The following ADAMTSL1 variants were observed in gnomAD, a reference collection of about 807,000 sequenced individuals.
The protein encoded by ADAMTSL1 is ADAMTS-like protein 1.
A neutral mutation model predicts 201.8 loss-of-function variants in ADAMTSL1; 126 were observed. That is an observed-to-expected ratio of 0.62 (90% confidence interval 0.54 to 0.72). The LOEUF is 0.72. Ranked by LOEUF, ADAMTSL1 falls within the 30% of genes least tolerant of loss-of-function variation. The pLI is 0.00. For synonymous variants in ADAMTSL1, 1,121 were observed against 903.4 expected (o/e 1.24, Z -4.32); for missense variants, 2,679 against 2,277.8 (o/e 1.18, Z -3.59).
intron 1 of ADAMTSL1, among the ~76,000 whole-genome samples, chr9:18,014,915 A>G (rs1820196468): frequency 6.6e-6 from 1 of 152,068 alleles, no homozygotes; most frequent in Admixed American, 6.6e-5. Context: ...TGTAATGAAT[A>G]AAGGCCAAGT....
intron 1 of ADAMTSL1, among the ~76,000 whole-genome samples, chr9:18,085,780 TACACACACACACACATGC>T (rs1177340598): frequency 6.7e-6 from 1 of 149,858 alleles, no homozygotes; most frequent in Non-Finnish European, 1.5e-5. Flanking sequence ...TATATATATA[TACACACACACACACATGC>T]ACACACAGTA....
In ADAMTSL1 at chr9:18,817,876, G is replaced by A. The variant is rs1358863909; in HGVS notation, c.3934+639G>A. Among the ~76,000 whole-genome samples the A allele has an allele frequency of 2.6e-5, 4 of 152,162 alleles. No homozygotes were observed. In the South Asian group the frequency reaches 8.3e-4, roughly 32 times the overall value. On this transcript the variant is annotated intron_variant, in intron 21 of 28. Transcript: ENST00000380548. ...ACCAACAGCAGCGTGGAGCTTGCTC[G>A]AATCAGAAGTGGGCAGGAGTTATTA...
intron 20 of ADAMTSL1, among the ~76,000 whole-genome samples, chr9:18,803,520 T>A (rs1822926987): frequency 6.6e-6 from 1 of 152,232 alleles, no homozygotes; most frequent in Admixed American, 6.5e-5. Context: ...TTCCAGGGAT[T>A]ATGACATAAA....
At chr9:18,405,495 G>A (rs1336633759) in intron 2 of ADAMTSL1, among the ~76,000 whole-genome samples, 1 of 152,078 alleles carries the variant, frequency 6.6e-6, no homozygotes, top group African/African-American at 2.4e-5. Flanking sequence ...TTGGCATTGG[G>A]CCACCCTGGA....
At chr9:17,943,336 A>T (rs1269687706) in intron 1 of ADAMTSL1, among the ~76,000 whole-genome samples, 2 of 152,100 alleles carry the variant, frequency 1.3e-5, no homozygotes, top group Admixed American at 1.3e-4. Flanking sequence ...GCTGAGCTTG[A>T]CCTGGATTCC....
chr9:18,163,945 G>C (rs568859768), exon 2 of ADAMTSL1: 14 of 152,136 alleles, frequency 9.2e-5, no homozygotes, highest in African/African-American at 3.4e-4. Flanking sequence ...AAGATTTCCT[G>C]TCTGACCTCT....
intron 1 of ADAMTSL1, among the ~76,000 whole-genome samples, chr9:18,044,800 T>G (rs1041099919): frequency 1.3e-5 from 2 of 152,164 alleles, no homozygotes; most frequent in African/African-American, 4.8e-5. Context: ...ATCAGCAGAG[T>G]CACACCTAGA....
intron 26 of ADAMTSL1, 46 bp downstream of exon 26, chr9:18,892,642 A>G (rs1829356798): frequency 6.5e-7 from 1 of 1,534,620 alleles, no homozygotes; most frequent in African/African-American, 1.4e-5. Flanking sequence ...ATCTAAAGGA[A>G]TGGACCCTGC....
chr9:18,394,166 A>AT (rs201455776), intron 2 of ADAMTSL1, among the ~76,000 whole-genome samples: 103 of 143,416 alleles, frequency 7.2e-4, no homozygotes, highest in South Asian at 1.2e-3. Context: ...TAGAACAAGG[A>AT]TTTTTTTTTA....
chr9:18,110,297 G>T (rs752211219), intron 1 of ADAMTSL1, among the ~76,000 whole-genome samples: 3 of 152,144 alleles, frequency 2.0e-5, no homozygotes, highest in Non-Finnish European at 4.4e-5. Flanking sequence ...TGATCATTCA[G>T]TCCTCTTCAA....
chr9:18,399,525 T>G (rs1206666459), intron 2 of ADAMTSL1, among the ~76,000 whole-genome samples: 7 of 146,040 alleles, frequency 4.8e-5, no homozygotes, highest in Admixed American at 4.1e-4. Context: ...TATTTTTTTG[T>G]AGAGACAGGG....
At chr9:18,223,022 A>C (rs1267277653) in intron 2 of ADAMTSL1, among the ~76,000 whole-genome samples, 2 of 151,962 alleles carry the variant, frequency 1.3e-5, no homozygotes, top group Non-Finnish European at 2.9e-5. Flanking sequence ...TGAAGTATCT[A>C]GGTATAGATT....
At chr9:18,427,815 C>T (rs1279917517) in intron 2 of ADAMTSL1, among the ~76,000 whole-genome samples, 1 of 152,230 alleles carries the variant, frequency 6.6e-6, no homozygotes, top group East Asian at 1.9e-4. Flanking sequence ...GAGGCGGAGC[C>T]TGCTCTGCCA....
In ADAMTSL1 at chr9:18,533,307, C is replaced by G; in HGVS notation, c.237+15C>G. On this transcript the variant is annotated intron_variant, in intron 3 of 28. Coordinates refer to ENST00000380548, the MANE Select transcript of ADAMTSL1 (RefSeq NM_001040272.6). ...GCAGTAATGTGGTAAGTATAAGGTT[C>G]TGAGATTGTAATCATGTATTTTTGT... The G allele has an allele frequency of 1.3e-6, 2 of 1,598,896 alleles. No homozygotes were observed. The highest frequency in any genetic ancestry group is 1.7e-6 in the Non-Finnish European group (2 of 1,172,554).
intron 23 of ADAMTSL1, among the ~76,000 whole-genome samples, chr9:18,868,953 G>A (rs1020325541): frequency 1.3e-5 from 2 of 152,174 alleles, no homozygotes; most frequent in African/African-American, 2.4e-5. Flanking sequence ...GTGCCCTTAT[G>A]TGGAAATAGG....
chr9:18,514,327 CTTTTTTTTT>C (rs397963773), intron 2 of ADAMTSL1, among the ~76,000 whole-genome samples: 58 of 100,106 alleles, frequency 5.8e-4, no homozygotes, highest in Non-Finnish European at 9.1e-4. Context: ...ATTTTTCTTT[CTTTTTTTTT>C]TTTTTTTTTT....
chr9:18,460,674 T>C (rs1053634101), intron 2 of ADAMTSL1, among the ~76,000 whole-genome samples: 2 of 152,188 alleles, frequency 1.3e-5, no homozygotes, highest in African/African-American at 4.8e-5. Context: ...TTTTCATTGC[T>C]TTCATACTTT....
intron 2 of ADAMTSL1, among the ~76,000 whole-genome samples, chr9:18,169,460 G>T (rs945218560): frequency 1.3e-5 from 2 of 151,994 alleles, no homozygotes; most frequent in Admixed American, 6.6e-5. Context: ...ATTTCTGAGG[G>T]CTCTGTTGTG....
intron 1 of ADAMTSL1, among the ~76,000 whole-genome samples, chr9:18,099,820 G>T (rs1409359024): frequency 6.6e-6 from 1 of 151,608 alleles, no homozygotes; most frequent in Non-Finnish European, 1.5e-5. Context: ...TAGAGACGGG[G>T]TTTCACTGTG....
Sources: gnomAD v4.1 joint callset for allele counts (sites outside exome capture counted in the v4.1 genomes callset) on GRCh38, gnomAD v4.1.1 for gene constraint, MANE v1.5 for transcripts, NCBI Gene and HGNC (gene_info 2026-07-23, HGNC 2026-07-21) for gene names.